SCN8A: variants seen among roughly 807,000 people sequenced by gnomAD.
SCN8A encodes sodium voltage-gated channel alpha subunit 8, also known as sodium channel protein type 8 subunit alpha.
SCN8A carries 30 observed loss-of-function variants against 184.1 expected under a neutral mutation model. That is an observed-to-expected ratio of 0.16 (90% CI 0.12 to 0.22). The LOEUF is 0.22. Among genes scored for constraint, SCN8A ranks in the 10% least tolerant of loss-of-function variants. SCN8A has a pLI of 1.00. For missense variants in SCN8A, 1,057 were observed against 2,498.9 expected (o/e 0.42, Z 12.30); for synonymous variants, 852 against 907.0 (o/e 0.94, Z 1.09).
chr12:51,686,457 A>G lies in SCN8A; in HGVS notation c.485A>G (p.Glu162Gly). 6.3e-7 allele frequency: 1 copy of G among 1,582,458 alleles called. No individual in the cohort carries two copies. Among genetic ancestry groups the G allele is most frequent in the Non-Finnish European group, 8.7e-7 (1 of 1,151,648 alleles). Reference protein sequence around the residue: ...SNPPDWSKNVEYTFTGIYTFE... With the variant: ...SNPPDWSKNVGYTFTGIYTFE... ...CCTCCTGACTGGTCGAAGAATGTGG[A>G]GTAAGTAACTCATTTATGTGTGTGC... The change falls in exon 4 of 27, where the codon GAG (glutamate) becomes GGG (glycine). Residue 162 changes from glutamate (E) to glycine (G), a missense_variant and splice_region_variant. Around this residue, in one of 19 missense-constraint regions of SCN8A, gnomAD observed 66 missense variants for 276.4 expected, o/e 0.24. Transcript: ENST00000627620.
At chr12:51,769,832 A>G (rs1942895733) in intron 17 of SCN8A, 36 bp from the exon 18 acceptor site, 1 of 1,423,358 alleles carries the variant, frequency 7.0e-7, no homozygotes, top group Non-Finnish European at 9.7e-7. Flanking sequence ...ATGTTGCCTC[A>G]GAGCTGCCTG....
intron 1 of SCN8A, among the ~76,000 whole-genome samples, chr12:51,628,272 CA>C (rs1223960816): frequency 3.9e-5 from 6 of 152,192 alleles, no homozygotes; most frequent in African/African-American, 1.4e-4. Flanking sequence ...TTACATTTAG[CA>C]TAGACAAGTG....
intron 1 of SCN8A, among the ~76,000 whole-genome samples, chr12:51,613,967 A>G (rs996993541): frequency 1.3e-5 from 2 of 152,118 alleles, no homozygotes; most frequent in African/African-American, 2.4e-5. Context: ...TATGACCAAG[A>G]TATGATCTAG....
At chr12:51,657,966 A>G (rs917691216) in intron 1 of SCN8A, among the ~76,000 whole-genome samples, 1 of 151,914 alleles carries the variant, frequency 6.6e-6, no homozygotes, top group Non-Finnish European at 1.5e-5. Context: ...ATTCTTTTCC[A>G]TTGGTCTGTG....
intron 26 of SCN8A, among the ~76,000 whole-genome samples, chr12:51,801,310 C>T (rs1396085298): frequency 6.6e-6 from 1 of 152,206 alleles, no homozygotes. Flanking sequence ...GCAGTTCCCA[C>T]TGTAAGATCT....
At chr12:51,704,189 C>G (rs1390784026) in intron 9 of SCN8A, among the ~76,000 whole-genome samples, 1 of 151,922 alleles carries the variant, frequency 6.6e-6, no homozygotes, top group African/African-American at 2.4e-5. Context: ...AGCCACCGTG[C>G]CTGGCCCATT....
chr12:51,757,071 A>T (rs1480733581), intron 14 of SCN8A, among the ~76,000 whole-genome samples: 1 of 152,026 alleles, frequency 6.6e-6, no homozygotes, highest in Non-Finnish European at 1.5e-5. Flanking sequence ...TACTTGTCAC[A>T]TGATTTTTAG....
chr12:51,788,323 T>TA (rs1938146875), intron 22 of SCN8A, among the ~76,000 whole-genome samples: 1 of 144,294 alleles, frequency 6.9e-6, no homozygotes, highest in Admixed American at 6.9e-5. Flanking sequence ...ACCACCTTTT[T>TA]AAAAAATGAT....
At chr12:51,619,183 AG>A (rs750467889) in intron 1 of SCN8A, among the ~76,000 whole-genome samples, 1 of 152,214 alleles carries the variant, frequency 6.6e-6, no homozygotes, top group Non-Finnish European at 1.5e-5. Context: ...TATGTCCTGG[AG>A]GCCTTTCCAT....
At chr12:51,595,642 C>T (rs1347046293) in intron 1 of SCN8A, among the ~76,000 whole-genome samples, 1 of 152,180 alleles carries the variant, frequency 6.6e-6, no homozygotes. Flanking sequence ...ATAATACCTA[C>T]GTTGCAGGGT....
intron 1 of SCN8A, among the ~76,000 whole-genome samples, chr12:51,624,073 T>G (rs544559829): frequency 6.6e-6 from 1 of 152,126 alleles, no homozygotes; most frequent in South Asian, 2.1e-4. Context: ...AATAAACATA[T>G]GTGTGCATGT....
intron 1 of SCN8A, among the ~76,000 whole-genome samples, chr12:51,638,855 G>C (rs1446038645): frequency 6.6e-6 from 1 of 152,150 alleles, no homozygotes; most frequent in East Asian, 1.9e-4. Flanking sequence ...GGGGACTGCA[G>C]ATGTGGTGAA....
intron 12 of SCN8A, among the ~76,000 whole-genome samples, chr12:51,737,024 A>C: frequency 6.6e-6 from 1 of 152,274 alleles, no homozygotes; most frequent in East Asian, 1.9e-4. Context: ...GTTAATTTCA[A>C]AAAACTGAAA....
intron 14 of SCN8A, among the ~76,000 whole-genome samples, chr12:51,756,736 G>A (rs548758938): frequency 2.2e-4 from 34 of 152,272 alleles, no homozygotes; most frequent in African/African-American, 7.9e-4. Context: ...GACTCTCCTT[G>A]CTGGGCCGTG....
intron 1 of SCN8A, among the ~76,000 whole-genome samples, chr12:51,608,874 C>T (rs972753350): frequency 1.3e-5 from 2 of 152,096 alleles, no homozygotes; most frequent in African/African-American, 2.4e-5. Flanking sequence ...CGTTTAGGGC[C>T]GTGAACTTTC....
intron 3 of SCN8A, among the ~76,000 whole-genome samples, chr12:51,684,499 G>A (rs1015049048): frequency 3.3e-5 from 5 of 152,104 alleles, no homozygotes; most frequent in African/African-American, 9.7e-5. Flanking sequence ...GGATGATATT[G>A]TGGGAATCTG....
rs796561189 is a variant in SCN8A at position 51,793,737 on chromosome 12, C to T, written c.4525-634C>T. On this transcript the variant is annotated intron_variant, in intron 25 of 26. Coordinates refer to ENST00000627620, the MANE Select transcript of SCN8A (RefSeq NM_001330260.2). ...CCTGTAGGCCCAGCTTATTGGGAGG[C>T]TCAGGCAGGAGGATCACCTGAGGCC... Among the ~76,000 whole-genome samples the T allele has an allele frequency of 2.6e-5, 4 of 152,204 alleles. No individual in the cohort carries two copies. The East Asian group carries it at 7.7e-4, about 29-fold the overall frequency.
At chr12:51,674,694 G>A (rs1315001296) in intron 2 of SCN8A, among the ~76,000 whole-genome samples, 1 of 152,198 alleles carries the variant, frequency 6.6e-6, no homozygotes, top group African/African-American at 2.4e-5. Flanking sequence ...TGAAGGAATG[G>A]CAGTACTGTG....
At chr12:51,797,853 A>G (rs1320280495) in intron 26 of SCN8A, among the ~76,000 whole-genome samples, 2 of 152,158 alleles carry the variant, frequency 1.3e-5, no homozygotes, top group African/African-American at 4.8e-5. Flanking sequence ...GTTTAATGGA[A>G]TCATTGTTGT....
Sources: gnomAD v4.1 joint callset for allele counts (sites outside exome capture counted in the v4.1 genomes callset) on GRCh38, gnomAD v4.1.1 for gene constraint, gnomAD v4.1.1 regional missense constraint, MANE v1.5 for transcripts, NCBI Gene and HGNC (gene_info 2026-07-23, HGNC 2026-07-21) for gene names.